Variants in PTBP1 observed in about 807,000 individuals in gnomAD.
PTBP1 encodes polypyrimidine tract-binding protein 1.
Under a neutral mutation model 59.8 loss-of-function variants are expected in PTBP1, and 8 were observed. That is an observed-to-expected ratio of 0.13 (90% CI 0.08 to 0.24). The LOEUF (loss-of-function observed/expected upper bound fraction) is 0.24. PTBP1 is among the 10% of genes least tolerant of loss of function. The pLI is 1.00. For missense variants in PTBP1, 686 were observed against 767.0 expected (o/e 0.89, Z 1.25); for synonymous variants, 490 against 320.7 (o/e 1.53, Z -5.64).
Position 808,251 on chromosome 19 carries a change from C to T in PTBP1, c.1154-109C>T. 1 of 955,686 alleles carries T rather than the reference C, an allele frequency of 1.0e-6. No homozygotes were observed. Among genetic ancestry groups the T allele is most frequent in the Non-Finnish European group, 1.6e-6 (1 of 620,154 alleles). 59.2% of individuals were successfully genotyped at this position (955,686 alleles called of 1,614,324 possible). A position where few individuals can be genotyped will look rare whatever the true frequency, so the allele number is the denominator to read the frequency against. Reference sequence around the variant, plus strand: ...GCTCCGCAGTGGCCGATAAAGCAAACCCGGCCGGGCTGAGCCGGGCCTTGT... The same window carrying T: ...GCTCCGCAGTGGCCGATAAAGCAAATCCGGCCGGGCTGAGCCGGGCCTTGT... On this transcript the variant is annotated intron_variant, in intron 11 of 14. Coordinates refer to ENST00000356948, the MANE Select transcript of PTBP1 (RefSeq NM_002819.5). This position sits in a 1 kb window ranked among gnomAD's most constrained non-coding sequence, Gnocchi z 4.7.
chr19:803,240 G>A (rs2034415569), intron 2 of PTBP1, among the ~76,000 whole-genome samples: 1 of 152,198 alleles, frequency 6.6e-6, no homozygotes, highest in African/African-American at 2.4e-5. Flanking sequence ...GTGAGGCCAC[G>A]TCCACAGCAG....
At position 808,388 on chromosome 19, in the gene PTBP1, G is replaced by A. The variant is rs1041492645; in HGVS notation, c.1182G>A (p.Lys394=). The A allele has an allele frequency of 3.1e-6, 5 of 1,605,720 alleles. No individual in the cohort carries two copies. The highest frequency in any genetic ancestry group is 2.2e-5 in the South Asian group (2 of 89,854). ...TCTACGGTGACGTGCAGCGCGTGAA[G>A]ATCCTGTTCAATAAGAAGGAGAACG... The part of the protein sequence containing the change: ...FGVYGDVQRV[K]ILFNKKENAL... Residue 394 remains lysine, a synonymous_variant, in exon 12 of 15, where the codon AAG becomes AAA. Transcript: ENST00000356948. This position sits in a 1 kb window ranked among gnomAD's most constrained non-coding sequence, Gnocchi z 4.7.
chr19:808,240 G>C lies in PTBP1; in HGVS notation c.1154-120G>C. On this transcript the variant is annotated intron_variant, in intron 11 of 14. Coordinates refer to ENST00000356948, the MANE Select transcript of PTBP1 (RefSeq NM_002819.5). The surrounding 1 kb of genome is among the most constrained non-coding windows in gnomAD (Gnocchi z 4.7). Reference sequence around the variant, plus strand: ...TGCGAGACGCAGCTCCGCAGTGGCCGATAAAGCAAACCCGGCCGGGCTGAG... The same window carrying C: ...TGCGAGACGCAGCTCCGCAGTGGCCCATAAAGCAAACCCGGCCGGGCTGAG... The C allele has an allele frequency of 4.6e-6, 4 of 861,786 alleles. No homozygotes were observed. Among genetic ancestry groups the C allele is most frequent in the Non-Finnish European group, 7.4e-6 (4 of 537,780 alleles). The allele number at this position is 861,786 out of a possible 1,614,324, so 53.4% of individuals were successfully genotyped here. A position where few individuals can be genotyped will look rare whatever the true frequency, so the allele number is the denominator to read the frequency against.
At chr19:803,368 G>T (rs1568266539) in intron 2 of PTBP1, among the ~76,000 whole-genome samples, 193 bp from the exon 3 acceptor site, 1 of 152,234 alleles carries the variant, frequency 6.6e-6, no homozygotes. Flanking sequence ...TTTTGGTCGT[G>T]GAGCTGTGGG....
At chr19:806,697 G>A (rs1374249968) in intron 10 of PTBP1, 141 bp downstream of exon 10, 5 of 712,162 alleles carry the variant, frequency 7.0e-6, no homozygotes, top group Non-Finnish European at 2.1e-6. Flanking sequence ...CTGCAGCGCT[G>A]AGACCCTCCT....
At position 804,085 on chromosome 19, in the gene PTBP1, C is replaced by T. The variant is rs372004541; in HGVS notation, c.165C>T (p.Gly55=). 4.2e-5 allele frequency: 68 copies of T among 1,614,050 alleles called. No individual in the cohort carries two copies. Among genetic ancestry groups the T allele is most frequent in the Middle Eastern group, 1.6e-4 (1 of 6,062 alleles). The change falls in exon 4 of 15, where the codon GGC becomes GGT. Residue 55 remains glycine (G), a synonymous_variant. Transcript: ENST00000356948. The part of the protein sequence containing the change: ...KKFKGDSRSA[G]VPSRVIHIRK... ...TCAAAGGTGACAGCCGAAGTGCAGGCGTCCCCTCTAGAGTGATCCACATCC... is the reference window on the plus strand; with the variant it reads ...TCAAAGGTGACAGCCGAAGTGCAGGTGTCCCCTCTAGAGTGATCCACATCC...
Position 804,176 on chromosome 19 carries a change from A to G in PTBP1, c.256A>G (p.Thr86Ala). The G allele has an allele frequency of 6.2e-7, 1 of 1,610,278 alleles. No homozygotes were observed. Among genetic ancestry groups the G allele is most frequent in the Non-Finnish European group, 8.5e-7 (1 of 1,177,634 alleles). Residue 86 changes from threonine to alanine, a missense_variant, in exon 4 of 15, where the codon ACC becomes GCC. Transcript: ENST00000356948. The stretch of plus-strand genomic sequence containing the variant: ...CCTGGGGCTGCCCTTTGGGAAGGTC[A>G]CCAACCTCCTGATGCTGAAGGGGAA... ...ISLGLPFGKV[T>A]NLLMLKGKNQ...
chr19:808,168 CTA>C lies in PTBP1; in HGVS notation c.1154-190_1154-189del. The stretch of plus-strand genomic sequence containing the variant: ...GCTGGCAGCTTACCTGTCCTGGATG[CTA>C]TGACTTTGCTGAACGGAGCTGCTCC... On this transcript the variant is annotated intron_variant, in intron 11 of 14. Transcript: ENST00000356948. The surrounding 1 kb of genome is among the most constrained non-coding windows in gnomAD (Gnocchi z 4.7). The C allele has an allele frequency of 1.6e-6, 1 of 641,006 alleles. No individual in the cohort carries two copies. The highest frequency in any genetic ancestry group is 2.8e-6 in the Non-Finnish European group (1 of 358,670). The allele number at this position is 641,006 out of a possible 1,614,324, so 39.7% of individuals were successfully genotyped here. A position where few individuals can be genotyped will look rare whatever the true frequency, so the allele number is the denominator to read the frequency against.
At position 804,061 on chromosome 19, in the gene PTBP1, C is replaced by T. The variant is rs768680455; in HGVS notation, c.141C>T (p.Phe47=). 11 of 1,614,006 alleles carry T rather than the reference C, an allele frequency of 6.8e-6. No homozygotes were observed. The highest frequency in any genetic ancestry group is 6.8e-6 in the Non-Finnish European group (8 of 1,179,994). ...CAAACGGAAATGACAGCAAGAAGTTCAAAGGTGACAGCCGAAGTGCAGGCG... is the reference window on the plus strand; with the variant it reads ...CAAACGGAAATGACAGCAAGAAGTTTAAAGGTGACAGCCGAAGTGCAGGCG... ...SAANGNDSKK[F]KGDSRSAGVP... is the part of the protein sequence containing the mutation. Residue 47 remains phenylalanine, a synonymous_variant, in exon 4 of 15, where the codon TTC becomes TTT. Coordinates refer to ENST00000356948, the MANE Select transcript of PTBP1 (RefSeq NM_002819.5).
In PTBP1 at chr19:804,381, C is replaced by G. The variant is rs199924491; in HGVS notation, c.378C>G (p.Ile126Met). 6.2e-7 allele frequency: 1 copy of G among 1,612,848 alleles called. No individual in the cohort carries two copies. Among genetic ancestry groups the G allele is most frequent in the Non-Finnish European group, 8.5e-7 (1 of 1,180,012 alleles). The part of the protein sequence containing the change: ...SVTPVLRGQP[I>M]YIQFSNHKEL... ...CCCCTGTGCTGCGCGGCCAGCCCATCTACATCCAGTTCTCCAACCACAAGG... is the reference window on the plus strand; with the variant it reads ...CCCCTGTGCTGCGCGGCCAGCCCATGTACATCCAGTTCTCCAACCACAAGG... The change falls in exon 5 of 15, where the codon ATC (isoleucine) becomes ATG (methionine). Residue 126 changes from isoleucine (I) to methionine (M), a missense_variant. Transcript: ENST00000356948.
At chr19:803,939 GTC>G in intron 3 of PTBP1, 95 bp from the exon 4 acceptor site, 2 of 1,435,116 alleles carry the variant, frequency 1.4e-6, no homozygotes, top group South Asian at 2.4e-5. Context: ...CTCAGGGTTG[GTC>G]TCCGTAGCAG....
Position 797,458 on chromosome 19 carries a change from G to C in PTBP1, c.-40G>C. 1.3e-6 allele frequency: 2 copies of C among 1,599,654 alleles called. No individual in the cohort carries two copies. The highest frequency in any genetic ancestry group is 1.7e-6 in the Non-Finnish European group (2 of 1,175,502). On this transcript the variant is annotated 5_prime_UTR_variant, in exon 1 of 15. Transcript: ENST00000356948. ...CGTTGGGTCGGTTCCTGCTATTCCG[G>C]CGCCTCCACTCCGTCCCCCGCGGGT...
chr19:809,300 C>T (rs1349714473), intron 13 of PTBP1, among the ~76,000 whole-genome samples: 2 of 146,692 alleles, frequency 1.4e-5, no homozygotes, highest in Admixed American at 6.9e-5. Context: ...GCCACCGCGC[C>T]TAGCCACATT....
rs757290221 is a variant in PTBP1 at position 803,611 on chromosome 19, C to G, written c.90C>G (p.Ile30Met). 1.4e-5 allele frequency: 23 copies of G among 1,614,066 alleles called. No homozygotes were observed. The highest frequency in any genetic ancestry group is 1.9e-5 in the Non-Finnish European group (22 of 1,180,024). ...CTTGTGTCACTAACGGACCGTTTAT[C>G]ATGAGCAGCAACTCGGCTTCTGCAG... ...FSTCVTNGPF[I>M]MSSNSASAAN... The change falls in exon 3 of 15, where the codon ATC (isoleucine) becomes ATG (methionine). Residue 30 changes from isoleucine to methionine, a missense_variant. Ile to Met is a conservative substitution (Grantham distance 10). Coordinates refer to ENST00000356948, the MANE Select transcript of PTBP1 (RefSeq NM_002819.5).
intron 10 of PTBP1, 95 bp downstream of exon 10, chr19:806,651 C>G: frequency 7.9e-7 from 1 of 1,261,096 alleles, no homozygotes; most frequent in East Asian, 3.1e-5. Context: ...CGCCGCCCCT[C>G]GCTGTGTCTG....
chr19:808,352 T>A lies in PTBP1; in HGVS notation c.1154-8T>A. Reference sequence around the variant, plus strand: ...GGAGACTCAGGCCCCATCCCTGGGCTTTTGAAGGCGTCTACGGTGACGTGC... The same window carrying A: ...GGAGACTCAGGCCCCATCCCTGGGCATTTGAAGGCGTCTACGGTGACGTGC... On this transcript the variant is annotated splice_polypyrimidine_tract_variant and splice_region_variant and intron_variant, in intron 11 of 14. Transcript: ENST00000356948. This position sits in a 1 kb window ranked among gnomAD's most constrained non-coding sequence, Gnocchi z 4.7. The A allele has an allele frequency of 6.3e-7, 1 of 1,590,444 alleles. No individual in the cohort carries two copies. Among genetic ancestry groups the A allele is most frequent in the Non-Finnish European group, 8.5e-7 (1 of 1,169,900 alleles).
At chr19:799,733 G>C (rs1341725381) in intron 2 of PTBP1, among the ~76,000 whole-genome samples, 1 of 152,194 alleles carries the variant, frequency 6.6e-6, no homozygotes, top group Non-Finnish European at 1.5e-5. Flanking sequence ...GCCTGCCTTT[G>C]GAACTTCTGC....
Position 808,010 on chromosome 19 carries a change from C to T in PTBP1, c.1153+108C>T. On this transcript the variant is annotated intron_variant, in intron 11 of 14. Coordinates refer to ENST00000356948, the MANE Select transcript of PTBP1 (RefSeq NM_002819.5). The surrounding 1 kb of genome is among the most constrained non-coding windows in gnomAD (Gnocchi z 4.7). ...GGTTTGGCACTCTGATGCTCCGTGG[C>T]ATCCGCCTCGTTTTATGGTTTGCTT... 1 of 1,019,856 alleles carries T rather than the reference C, an allele frequency of 9.8e-7. No individual in the cohort carries two copies. The highest frequency in any genetic ancestry group is 2.4e-5 in the East Asian group (1 of 42,170). The allele number at this position is 1,019,856 out of a possible 1,614,324, so 63.2% of individuals were successfully genotyped here.
At chr19:804,230 G>C in intron 4 of PTBP1, 22 bp downstream of exon 4, 3 of 1,608,172 alleles carry the variant, frequency 1.9e-6, no homozygotes, top group South Asian at 1.1e-5. Flanking sequence ...GCGTTTCTCC[G>C]GGGTGCTCAC....
Sources: allele counts gnomAD v4.1 joint callset (sites outside exome capture counted in the v4.1 genomes callset), GRCh38; gene constraint gnomAD v4.1.1; non-coding constraint Gnocchi (gnomAD v3.1); transcripts MANE v1.5; gene names NCBI Gene and HGNC (gene_info 2026-07-23, HGNC 2026-07-21).